The following DLG2 variants were observed in gnomAD, a reference collection of about 807,000 sequenced individuals.
DLG2 encodes discs large MAGUK scaffold protein 2, also known as disks large homolog 2.
DLG2 carries 45 observed loss-of-function variants against 132.5 expected under a neutral mutation model. The ratio of observed to expected loss-of-function variants is 0.34; its 90% CI spans 0.27 to 0.44. DLG2 has a LOEUF of 0.44. Ranked by LOEUF, DLG2 falls within the 20% of genes least tolerant of loss-of-function variation. DLG2 has a pLI of 1.00. For synonymous variants in DLG2, 424 were observed against 419.6 expected (o/e 1.01, Z -0.13); for missense variants, 1,045 against 1,196.9 (o/e 0.87, Z 1.87).
At chr11:83,564,127 A>G (rs1219727235) in intron 19 of DLG2, among the ~76,000 whole-genome samples, 1 of 151,972 alleles carries the variant, frequency 6.6e-6, no homozygotes, top group Non-Finnish European at 1.5e-5. Context: ...TTCTATGATA[A>G]AATCATTGGT....
chr11:84,402,632 C>G (rs1253399141), intron 7 of DLG2, among the ~76,000 whole-genome samples: 3 of 151,852 alleles, frequency 2.0e-5, no homozygotes, highest in African/African-American at 7.3e-5. Flanking sequence ...TAATTTTACC[C>G]AGCACTTTGA....
Position 84,539,917 on chromosome 11 carries a change from T to C in DLG2, c.358-5186A>G, listed in dbSNP as rs1041669666. Among the ~76,000 whole-genome samples, 5 of 151,944 alleles carry C rather than the reference T, an allele frequency of 3.3e-5. 1 individual carries two copies. The highest frequency in any genetic ancestry group is 1.3e-4 in the Admixed American group (2 of 15,238). On this transcript the variant is annotated intron_variant, in intron 6 of 27. Transcript: ENST00000376104. ...CTACAACCATCTGATCTTTGACAAATCTGACAAAAACAAGAAATGGGGAAA... is the reference window on the plus strand; with the variant it reads ...CTACAACCATCTGATCTTTGACAAACCTGACAAAAACAAGAAATGGGGAAA...
Position 85,229,179 on chromosome 11 carries a change from C to G in DLG2, c.186+56041G>C, listed in dbSNP as rs1195963198. Among the ~76,000 whole-genome samples, 15 of 93,230 alleles carry G rather than the reference C, an allele frequency of 1.6e-4. 1 individual carries two copies. Among genetic ancestry groups the G allele is most frequent in the African/African-American group, 5.3e-4 (15 of 28,412 alleles). The allele number at this position is 93,230 out of a possible 152,430, so 61.2% of individuals were successfully genotyped here. A position where few individuals can be genotyped will look rare whatever the true frequency, so the allele number is the denominator to read the frequency against. ...GTTGTATACATATCCTATAGATCAA[C>G]AACACAGTATTTTTTTTTTACTTTA... On this transcript the variant is annotated intron_variant, in intron 4 of 27. Transcript: ENST00000376104.
rs536353751 is a variant in DLG2, at chr11:85,609,824, T to C, written c.-92-11036A>G. Among the ~76,000 whole-genome samples the C allele has an allele frequency of 1.8e-4, 28 of 152,332 alleles. No homozygotes were observed. In the East Asian group the frequency reaches 5.2e-3, roughly 28 times the overall value. On this transcript the variant is annotated intron_variant, in intron 2 of 27. Transcript: ENST00000376104. ...GTGTTAATCTCCTGTCCCAGACGAC[T>C]GTCCTCAAGGTCCGTTACCATCCGG...
At chr11:83,858,880 C>T (rs568548416) in intron 16 of DLG2, among the ~76,000 whole-genome samples, 1 of 152,192 alleles carries the variant, frequency 6.6e-6, no homozygotes, top group African/African-American at 2.4e-5. Context: ...TACACAAACA[C>T]AAATGCATAA....
chr11:84,610,806 T>C (rs1052220885), intron 6 of DLG2, among the ~76,000 whole-genome samples: 1 of 152,020 alleles, frequency 6.6e-6, no homozygotes, highest in African/African-American at 2.4e-5. Flanking sequence ...CAGACCAGCA[T>C]CCCAGTCATA....
At chr11:85,357,402 C>A (rs2083790933) in intron 3 of DLG2, among the ~76,000 whole-genome samples, 1 of 150,258 alleles carries the variant, frequency 6.7e-6, no homozygotes. Flanking sequence ...CCGTGTTAGC[C>A]AGGATGGTCT....
At chr11:84,735,480 G>A (rs1024469167) in intron 6 of DLG2, among the ~76,000 whole-genome samples, 3 of 152,082 alleles carry the variant, frequency 2.0e-5, no homozygotes, top group Admixed American at 6.5e-5. Context: ...CATCGGTGGT[G>A]ATATCCCTTT....
At chr11:85,560,331 A>G (rs540643022) in intron 3 of DLG2, among the ~76,000 whole-genome samples, 1 of 152,014 alleles carries the variant, frequency 6.6e-6, no homozygotes, top group South Asian at 2.1e-4. Flanking sequence ...AACAACCCAG[A>G]TGTCCACCAA....
chr11:84,568,294 A>G (rs1049420540), intron 6 of DLG2, among the ~76,000 whole-genome samples: 1 of 152,188 alleles, frequency 6.6e-6, no homozygotes, highest in Non-Finnish European at 1.5e-5. Flanking sequence ...GGATCACTTG[A>G]GGACAGGAGT....
At chr11:83,903,577 A>G (rs1358086648) in intron 15 of DLG2, among the ~76,000 whole-genome samples, 1 of 152,176 alleles carries the variant, frequency 6.6e-6, no homozygotes, top group Non-Finnish European at 1.5e-5. Flanking sequence ...AATCAGGCTA[A>G]AAATATTCCT....
intron 3 of DLG2, among the ~76,000 whole-genome samples, chr11:85,294,058 A>G (rs967837641): frequency 3.9e-5 from 6 of 152,134 alleles, no homozygotes; most frequent in African/African-American, 1.4e-4. Context: ...CCTGGTCAAC[A>G]TGATGAGAAC....
intron 17 of DLG2, among the ~76,000 whole-genome samples, chr11:83,792,194 C>T (rs1464556420): frequency 6.6e-6 from 1 of 152,094 alleles, no homozygotes; most frequent in African/African-American, 2.4e-5. Flanking sequence ...ACTATGAACA[C>T]TTATAAAAGT....
intron 7 of DLG2, among the ~76,000 whole-genome samples, chr11:84,252,590 G>C (rs889752336): frequency 4.0e-5 from 6 of 151,890 alleles, no homozygotes; most frequent in African/African-American, 1.5e-4. Flanking sequence ...TTAAAGTTTA[G>C]CGGGAATCTG....
intron 21 of DLG2, among the ~76,000 whole-genome samples, chr11:83,520,871 T>TA (rs1341833954): frequency 6.6e-6 from 1 of 152,168 alleles, no homozygotes; most frequent in African/African-American, 2.4e-5. Context: ...CCACTTTACA[T>TA]AGGAGTAACT....
intron 15 of DLG2, among the ~76,000 whole-genome samples, chr11:83,878,980 G>C (rs937045327): frequency 6.6e-6 from 1 of 152,160 alleles, no homozygotes; most frequent in Non-Finnish European, 1.5e-5. Flanking sequence ...GTGCACAATA[G>C]AGTTTCCTTT....
At chr11:83,526,968 T>C (rs188321765) in intron 21 of DLG2, among the ~76,000 whole-genome samples, 1 of 152,296 alleles carries the variant, frequency 6.6e-6, no homozygotes, top group Non-Finnish European at 1.5e-5. Context: ...GTGACCATGA[T>C]TTATTTGTCT....
intron 3 of DLG2, among the ~76,000 whole-genome samples, chr11:85,505,577 T>C (rs182276582): frequency 2.4e-4 from 36 of 152,316 alleles, no homozygotes; most frequent in African/African-American, 8.2e-4. Context: ...GCCGACTTGA[T>C]GGTGGTGGAT....
At chr11:84,912,134 G>A (rs2092114437) in intron 6 of DLG2, among the ~76,000 whole-genome samples, 1 of 149,764 alleles carries the variant, frequency 6.7e-6, no homozygotes, top group Non-Finnish European at 1.5e-5. Flanking sequence ...CATTTCCTTG[G>A]CTTTCACAAT....
Sources: allele counts gnomAD v4.1 joint callset (sites outside exome capture counted in the v4.1 genomes callset), GRCh38; gene constraint gnomAD v4.1.1; transcripts MANE v1.5; gene names NCBI Gene and HGNC (gene_info 2026-07-23, HGNC 2026-07-21).